ARID4B: variants seen among roughly 807,000 people sequenced by gnomAD.
ARID4B encodes AT-rich interactive domain-containing protein 4B.
Under a neutral mutation model 147.5 loss-of-function variants are expected in ARID4B, and 26 were observed. That is an observed-to-expected ratio of 0.18 (90% CI 0.13 to 0.24). The LOEUF (loss-of-function observed/expected upper bound fraction) is 0.24. ARID4B is among the 10% of genes least tolerant of loss of function. The pLI, the probability that ARID4B is intolerant of heterozygous loss-of-function variation, is 1.00. For synonymous variants in ARID4B, 512 were observed against 507.9 expected, an observed-to-expected ratio of 1.01 and a Z score of -0.11; for missense variants, 1,179 against 1,511.5, an observed-to-expected ratio of 0.78 and a Z score of 3.65.
intron 2 of ARID4B, among the ~76,000 whole-genome samples, chr1:235,315,782 C>A (rs563982929): frequency 6.6e-6 from 1 of 152,292 alleles, no homozygotes; most frequent in Non-Finnish European, 1.5e-5. Flanking sequence ...TGGTTATTCA[C>A]AGTTAGATAC....
intron 9 of ARID4B, among the ~76,000 whole-genome samples, chr1:235,234,207 T>A (rs1344843702): frequency 1.3e-5 from 2 of 152,228 alleles, no homozygotes; most frequent in East Asian, 3.8e-4. Context: ...TGGAAAAGAT[T>A]ACCAAAATTA....
In ARID4B at chr1:235,327,021, TGGCGGA is replaced by T. The variant is rs1392047510; in HGVS notation, c.-49-59_-49-54del. The T allele has an allele frequency of 4.7e-5, 58 of 1,242,528 alleles. No homozygotes were observed. The Middle Eastern group carries it at 6.0e-4, about 13-fold the overall frequency. The allele number at this position is 1,242,528 out of a possible 1,614,324, so 77.0% of individuals were successfully genotyped here. On this transcript the variant is annotated intron_variant, in intron 1 of 23. Coordinates refer to ENST00000264183, the MANE Select transcript of ARID4B (RefSeq NM_016374.6). The stretch of plus-strand genomic sequence containing the variant: ...CAACACCACAGGAGCCCCTCTGCAC[TGGCGGA>T]GGCGGAGGGAAAGAAGCGAGCGACG...
intron 2 of ARID4B, among the ~76,000 whole-genome samples, chr1:235,310,131 C>T (rs1455363498): frequency 6.6e-6 from 1 of 151,548 alleles, no homozygotes; most frequent in African/African-American, 2.4e-5. Flanking sequence ...GTCCTATGAC[C>T]CTGCCAAATC....
Position 235,220,548 on chromosome 1 carries a change from G to A in ARID4B, c.1164-3C>T, listed in dbSNP as rs1460951367. 8 of 1,539,350 alleles carry A rather than the reference G, an allele frequency of 5.2e-6. No individual in the cohort carries two copies. The highest frequency in any genetic ancestry group is 2.6e-5 in the South Asian group (2 of 78,348). ...ACTCCTCAAAACCATATAAGTATCT[G>A]GAAACATGAAGAGAAATTACATTTG... On this transcript the variant is annotated splice_region_variant and splice_polypyrimidine_tract_variant and intron_variant, in intron 14 of 23. Transcript: ENST00000264183.
At chr1:235,281,163 A>C (rs1671647923) in intron 2 of ARID4B, among the ~76,000 whole-genome samples, 1 of 151,596 alleles carries the variant, frequency 6.6e-6, no homozygotes, top group African/African-American at 2.4e-5. Context: ...GGCTCAGCCT[A>C]TAATCTCAGC....
At chr1:235,257,723 C>G (rs939310019) in intron 3 of ARID4B, among the ~76,000 whole-genome samples, 1 of 152,044 alleles carries the variant, frequency 6.6e-6, no homozygotes, top group Non-Finnish European at 1.5e-5. Flanking sequence ...TCAAGTGATC[C>G]GCCCGCCTTG....
chr1:235,194,949 G>A (rs1665394166), intron 18 of ARID4B, among the ~76,000 whole-genome samples: 1 of 152,118 alleles, frequency 6.6e-6, no homozygotes, highest in South Asian at 2.1e-4. Context: ...CTACCTCAGT[G>A]ATATATTAAT....
chr1:235,214,766 TAGAC>T (rs10569376), intron 16 of ARID4B, among the ~76,000 whole-genome samples: 42,828 of 150,368 alleles, frequency 0.28, 7,416 homozygotes, highest in South Asian at 0.54. Context: ...TCCAAAGAAA[TAGAC>T]AGATGAGAGG....
intron 21 of ARID4B, chr1:235,177,552 T>C (rs1191741602): frequency 1.3e-5 from 4 of 316,268 alleles, no homozygotes; most frequent in African/African-American, 8.7e-5. Context: ...GGTATACATG[T>C]GCCATGTTGG....
chr1:235,246,776 T>C lies in ARID4B; in HGVS notation c.355-265A>G, dbSNP rs915762558. Reference sequence around the variant, plus strand: ...GATTCATTACCTATGTGAAGGTTGATAGGCATCTAAGAATGATTAAAATAC... The same window carrying C: ...GATTCATTACCTATGTGAAGGTTGACAGGCATCTAAGAATGATTAAAATAC... On this transcript the variant is annotated intron_variant, in intron 6 of 23. Transcript: ENST00000264183. Among the ~76,000 whole-genome samples, 13 of 152,288 alleles carry C rather than the reference T, an allele frequency of 8.5e-5. No homozygotes were observed. In the East Asian group the frequency reaches 1.2e-3, roughly 14 times the overall value.
chr1:235,299,881 T>C (rs1462431034), intron 2 of ARID4B, among the ~76,000 whole-genome samples: 1 of 152,134 alleles, frequency 6.6e-6, no homozygotes, highest in Non-Finnish European at 1.5e-5. Context: ...ATGCAAAAAA[T>C]ATAGAACTAA....
At chr1:235,223,369 G>A (rs1287918758) in intron 12 of ARID4B, 109 bp from the exon 13 acceptor site, 26 of 166,150 alleles carry the variant, frequency 1.6e-4, no homozygotes, top group Admixed American at 2.6e-4. Context: ...ATATATACAC[G>A]TATATATATA....
chr1:235,270,304 A>G (rs1329861416), intron 2 of ARID4B, among the ~76,000 whole-genome samples: 1 of 152,160 alleles, frequency 6.6e-6, no homozygotes, highest in Non-Finnish European at 1.5e-5. Context: ...AAACAAAACA[A>G]AACAAAAAAA....
chr1:235,185,603 G>T (rs1333055494), intron 19 of ARID4B, among the ~76,000 whole-genome samples: 5 of 152,054 alleles, frequency 3.3e-5, no homozygotes, highest in Admixed American at 3.3e-4. Context: ...ATCTGTACTA[G>T]AGCTCATCGA....
chr1:235,220,984 G>A (rs957600922), intron 14 of ARID4B, among the ~76,000 whole-genome samples: 7 of 151,790 alleles, frequency 4.6e-5, no homozygotes, highest in Admixed American at 2.0e-4. Flanking sequence ...TATAACCTCC[G>A]CCTCCTGGGT....
intron 2 of ARID4B, among the ~76,000 whole-genome samples, chr1:235,298,325 A>C (rs1230863758): frequency 7.2e-5 from 11 of 152,116 alleles, no homozygotes. Context: ...GTTTGTTACC[A>C]TGAAGTGTAT....
In ARID4B at chr1:235,234,497, T is replaced by G; in HGVS notation, c.586-5A>C. ...ACTACAATCAGGACAAACCACCTTT[T>G]AAGAAAAAGGGTGAAGCTATTATAA... On this transcript the variant is annotated splice_polypyrimidine_tract_variant and splice_region_variant and intron_variant, in intron 8 of 23. Transcript: ENST00000264183. 1 of 1,588,502 alleles carries G rather than the reference T, an allele frequency of 6.3e-7. No individual in the cohort carries two copies. The highest frequency in any genetic ancestry group is 8.6e-7 in the Non-Finnish European group (1 of 1,160,658).
chr1:235,270,707 C>T (rs1297494077), intron 2 of ARID4B, among the ~76,000 whole-genome samples: 1 of 152,168 alleles, frequency 6.6e-6, no homozygotes, highest in African/African-American at 2.4e-5. Flanking sequence ...AGCAAAGGAG[C>T]TTTCTCATGT....
rs1002281201 is a variant in ARID4B, at chr1:235,219,781, C to T, written c.1583+12G>A. 2.5e-6 allele frequency: 4 copies of T among 1,583,438 alleles called. No individual in the cohort carries two copies. Among genetic ancestry groups the T allele is most frequent in the Non-Finnish European group, 3.4e-6 (4 of 1,169,112 alleles). ...AGCTGAAATGCATCGTAACCAAAAA[C>T]AATTTTCTTACCCAGATTTTGCTTT... On this transcript the variant is annotated intron_variant, in intron 16 of 23. Transcript: ENST00000264183.
Sources: gnomAD v4.1 joint callset for allele counts (sites outside exome capture counted in the v4.1 genomes callset) on GRCh38, gnomAD v4.1.1 for gene constraint, MANE v1.5 for transcripts, NCBI Gene and HGNC (gene_info 2026-07-23, HGNC 2026-07-21) for gene names.